OAS3: variants seen among roughly 807,000 people sequenced by gnomAD.
OAS3 encodes 2'-5'-oligoadenylate synthetase 3, also known as 2'-5'-oligoadenylate synthase 3.
Under a neutral mutation model 113.0 loss-of-function variants are expected in OAS3, and 107 were observed. The ratio of observed to expected loss-of-function variants is 0.95; its 90% CI spans 0.81 to 1.11. OAS3 has a LOEUF of 1.11. Ranked by LOEUF, OAS3 falls within the 50% of genes most tolerant of loss-of-function variation. The probability of loss-of-function intolerance (pLI) is 0.00; values close to 1 mark genes in which losing one functional copy is unlikely to be tolerated. For synonymous variants in OAS3, 552 were observed against 573.6 expected, an observed-to-expected ratio of 0.96 and a Z score of 0.54; for missense variants, 1,258 against 1,389.1, an observed-to-expected ratio of 0.91 and a Z score of 1.50.
chr12:112,958,537 T>C (rs879360919), intron 7 of OAS3, among the ~76,000 whole-genome samples: 22 of 152,254 alleles, frequency 1.4e-4, no homozygotes, highest in Non-Finnish European at 1.9e-4. Context: ...TGGATGTCCT[T>C]TCTGTTTGTT....
chr12:112,969,902 G>C, intron 15 of OAS3, 60 bp from the exon 16 acceptor site: 1 of 1,598,590 alleles, frequency 6.3e-7, no homozygotes, highest in Non-Finnish European at 8.5e-7. Flanking sequence ...ATCCGGCTGT[G>C]TGGTCTCAGC....
intron 12 of OAS3, among the ~76,000 whole-genome samples, chr12:112,966,310 C>T (rs2043933850): frequency 6.6e-6 from 1 of 152,196 alleles, no homozygotes. Flanking sequence ...CAAGGGACTT[C>T]CCCGTCCTGA....
At position 112,962,749 on chromosome 12, in the gene OAS3, G is replaced by A. The variant is rs750971252; in HGVS notation, c.1931G>A (p.Cys644Tyr). ...LLTIFAWEQG[C>Y]RQDCFNMAQG... ...ACCATCTTTGCCTGGGAGCAGGGCT[G>A]CAGGCAGGATTGTTTCAACATGGCC... The change falls in exon 9 of 16, where the codon TGC (cysteine) becomes TAC (tyrosine). Residue 644 changes from cysteine to tyrosine, a missense_variant. By Grantham distance (194) the Cys-to-Tyr change is radical (BLOSUM62 -2). Transcript: ENST00000228928. 2 of 1,614,042 alleles carry A rather than the reference G, an allele frequency of 1.2e-6. No homozygotes were observed. Among genetic ancestry groups the A allele is most frequent in the South Asian group, 2.2e-5 (2 of 91,086 alleles).
At chr12:112,948,802 T>G in intron 5 of OAS3, 59 bp from the exon 6 acceptor site, 1 of 1,338,788 alleles carries the variant, frequency 7.5e-7, no homozygotes. Context: ...AGAGAAGGCA[T>G]TGGGTTGATG....
chr12:112,952,513 A>G lies in OAS3; in HGVS notation c.1657+1538A>G, dbSNP rs190447592. ...CTTGGAACTAAACTTCCAGACACTA[A>G]TAATAGGGGAGATTATTTCTTTTGT... On this transcript the variant is annotated intron_variant, in intron 7 of 15. Transcript: ENST00000228928. Among the ~76,000 whole-genome samples the G allele has an allele frequency of 4.7e-4, 71 of 151,142 alleles. 2 individuals carry two copies. Among genetic ancestry groups the G allele is most frequent in the Admixed American group, 4.2e-3 (64 of 15,088 alleles).
In OAS3 at chr12:112,941,592, C is replaced by T. The variant is rs775979930; in HGVS notation, c.200C>T (p.Thr67Ile). Residue 67 changes from threonine (T) to isoleucine (I), a missense_variant, in exon 2 of 16, where the codon ACA becomes ATA. Transcript: ENST00000228928. ...TVKGGSSGRG[T>I]ALKGGCDSEL... ...CAGGGAGGCTCCTCGGGCCGGGGCA[C>T]AGCTCTCAAGGGTGGCTGTGATTCT... 3 of 1,613,358 alleles carry T rather than the reference C, an allele frequency of 1.9e-6. No individual in the cohort carries two copies. The highest frequency in any genetic ancestry group is 2.5e-6 in the Non-Finnish European group (3 of 1,179,320).
rs2043994910 is a variant in OAS3, at chr12:112,972,634, A to T, written c.*2661A>T. The T allele has an allele frequency of 6.6e-6, 1 of 152,246 alleles. No homozygotes were observed. The highest frequency in any genetic ancestry group is 6.5e-5 in the Admixed American group (1 of 15,290). The allele number at this position is 152,246 out of a possible 1,614,324, so 9.4% of individuals were successfully genotyped here. ...ATTAAAACATACTATGAAGCCTCTG[A>T]TACTTAAACAGCATGGCGCTGGTAC... is the stretch of plus-strand genomic sequence containing the variant. On this transcript the variant is annotated 3_prime_UTR_variant, in exon 16 of 16. Transcript: ENST00000228928.
In OAS3 at chr12:112,963,440, C is replaced by T. The variant is rs1359453369; in HGVS notation, c.2212C>T (p.Gln738Ter). 2.6e-6 allele frequency: 4 copies of T among 1,549,502 alleles called. No homozygotes were observed. The highest frequency in any genetic ancestry group is 3.5e-6 in the Non-Finnish European group (4 of 1,145,706). ...CFLSRDGTSV[Q>*]PWDVMPALLY... ...TCTGAGTAGAGACGGGACATCTGTGCAGCCCTGGGATGTGATGGTAAGATG... is the reference window on the plus strand; with the variant it reads ...TCTGAGTAGAGACGGGACATCTGTGTAGCCCTGGGATGTGATGGTAAGATG... The change falls in exon 10 of 16, where the codon CAG (glutamine) becomes TAG (stop). Residue 738 changes from glutamine (Q) to a stop codon, truncating the protein, a stop_gained. Transcript: ENST00000228928. LOFTEE classifies it high-confidence loss of function. This position sits in a 1 kb window ranked among gnomAD's most constrained non-coding sequence, Gnocchi z 4.6.
intron 7 of OAS3, among the ~76,000 whole-genome samples, chr12:112,951,204 G>C (rs1171146077): frequency 6.6e-6 from 1 of 152,122 alleles, no homozygotes; most frequent in Admixed American, 6.6e-5. Flanking sequence ...GAAAACTACA[G>C]ACGTCACACA....
chr12:112,947,082 G>C, intron 4 of OAS3, 101 bp downstream of exon 4: 1 of 901,108 alleles, frequency 1.1e-6, no homozygotes, highest in Non-Finnish European at 1.7e-6. Flanking sequence ...CTTGGGTATA[G>C]AGGCCAAAGC....
In OAS3 at chr12:112,961,127, A is replaced by G. The variant is rs761516964; in HGVS notation, c.1714A>G (p.Ser572Gly). 9.9e-6 allele frequency: 16 copies of G among 1,613,398 alleles called. No homozygotes were observed. The highest frequency in any genetic ancestry group is 1.4e-5 in the Non-Finnish European group (16 of 1,179,892). Residue 572 changes from serine to glycine, a missense_variant, in exon 8 of 16, where the codon AGT becomes GGT. Coordinates refer to ENST00000228928, the MANE Select transcript of OAS3 (RefSeq NM_006187.4). ...CCAGGTCTACTCGAGGCTCCTCACC[A>G]GTGGCTGCCAGGAGGGCGAGCATAA... is the stretch of plus-strand genomic sequence containing the variant. The part of the protein sequence containing the change: ...NPQVYSRLLT[S>G]GCQEGEHKAC...
In OAS3 at chr12:112,966,045, G is replaced by A. The variant is rs756974934; in HGVS notation, c.2689+16G>A. The A allele has an allele frequency of 2.9e-5, 46 of 1,612,702 alleles. No homozygotes were observed. The highest frequency in any genetic ancestry group is 6.7e-5 in the East Asian group (3 of 44,886). On this transcript the variant is annotated intron_variant, in intron 12 of 15. Transcript: ENST00000228928. ...GACGCCCTAGGTGAGGTGCCCTGGC[G>A]TAGACCTGAGAGGGGGAAATACAGA...
rs532901781 is a variant in OAS3 at position 112,971,387 on chromosome 12, T to G, written c.*1414T>G. 6.5e-6 allele frequency: 1 copy of G among 153,410 alleles called. No homozygotes were observed. Among genetic ancestry groups the G allele is most frequent in the East Asian group, 1.9e-4 (1 of 5,332 alleles). The allele number at this position is 153,410 out of a possible 1,614,324, so 9.5% of individuals were successfully genotyped here. A position where few individuals can be genotyped will look rare whatever the true frequency, so the allele number is the denominator to read the frequency against. ...GAGCTGCGGGAAGACGGATCCCACC[T>G]CCCTTTCTTAGCAGAATCTAAATTA... On this transcript the variant is annotated 3_prime_UTR_variant, in exon 16 of 16. Coordinates refer to ENST00000228928, the MANE Select transcript of OAS3 (RefSeq NM_006187.4).
chr12:112,946,101 C>T (rs915128438), intron 3 of OAS3, among the ~76,000 whole-genome samples: 1 of 152,076 alleles, frequency 6.6e-6, no homozygotes, highest in Admixed American at 6.5e-5. Context: ...ATGTTTGTCA[C>T]CCCAGAGAGA....
intron 6 of OAS3, chr12:112,950,459 A>T: frequency 1.7e-6 from 1 of 573,788 alleles, no homozygotes; most frequent in African/African-American, 1.9e-5. Context: ...GTTTGGTCTG[A>T]CTTAGCTCAG....
At chr12:112,959,925 A>G (rs1165710481) in intron 7 of OAS3, among the ~76,000 whole-genome samples, 1 of 152,152 alleles carries the variant, frequency 6.6e-6, no homozygotes, top group Non-Finnish European at 1.5e-5. Flanking sequence ...GATGTCTTCA[A>G]TAATTTCCAA....
rs187336114 is a variant in OAS3 at position 112,954,207 on chromosome 12, G to A, written c.1657+3232G>A. Among the ~76,000 whole-genome samples the A allele has an allele frequency of 6.6e-6, 1 of 152,306 alleles. No individual in the cohort carries two copies. Among genetic ancestry groups the A allele is most frequent in the African/African-American group, 2.4e-5 (1 of 41,564 alleles). ...GATACAGTTTCAGCTTTCTAGATAT[G>A]GCTAGCCAGTTTTCCCAGCACTATT... On this transcript the variant is annotated intron_variant, in intron 7 of 15. Coordinates refer to ENST00000228928, the MANE Select transcript of OAS3 (RefSeq NM_006187.4). This position sits in a 1 kb window ranked among gnomAD's most constrained non-coding sequence, Gnocchi z 4.0.
At chr12:112,962,618 A>G (rs1415460795) in intron 8 of OAS3, 34 bp from the exon 9 acceptor site, 2 of 1,605,354 alleles carry the variant, frequency 1.2e-6, no homozygotes, top group Non-Finnish European at 1.7e-6. Flanking sequence ...ACATCCACTA[A>G]TCACTCATCT....
At chr12:112,961,298 C>T in intron 8 of OAS3, 52 bp downstream of exon 8, 1 of 1,547,456 alleles carries the variant, frequency 6.5e-7, no homozygotes, top group Non-Finnish European at 8.8e-7. Flanking sequence ...TGGCAACCAC[C>T]CCAGCCAATC....
Sources: gnomAD v4.1 joint callset for allele counts (sites outside exome capture counted in the v4.1 genomes callset) on GRCh38, gnomAD v4.1.1 for gene constraint, Gnocchi (gnomAD v3.1) non-coding constraint, MANE v1.5 for transcripts, NCBI Gene and HGNC (gene_info 2026-07-23, HGNC 2026-07-21) for gene names.